CSMD1: variants seen among roughly 807,000 people sequenced by gnomAD.
CSMD1 encodes the protein CUB and sushi domain-containing protein 1.
A neutral mutation model predicts 417.5 loss-of-function variants in CSMD1; 213 were observed. The ratio of observed to expected loss-of-function variants is 0.51; its 90% CI spans 0.46 to 0.57. The LOEUF (loss-of-function observed/expected upper bound fraction) is 0.57. Ranked by LOEUF, CSMD1 falls within the 20% of genes least tolerant of loss-of-function variation. The pLI is 0.00. For synonymous variants in CSMD1, 2,862 were observed against 1,736.8 expected (o/e 1.65, Z -16.11); for missense variants, 6,923 against 4,529.7 (o/e 1.53, Z -15.17).
At chr8:3,743,454 C>G (rs746782052) in intron 6 of CSMD1, among the ~76,000 whole-genome samples, 4 of 152,104 alleles carry the variant, frequency 2.6e-5, no homozygotes, top group Non-Finnish European at 5.9e-5. Context: ...GTGGAGACTT[C>G]TGAATAAGTA....
chr8:3,990,541 G>T (rs757211353), intron 5 of CSMD1, among the ~76,000 whole-genome samples: 1 of 152,132 alleles, frequency 6.6e-6, no homozygotes, highest in African/African-American at 2.4e-5. Context: ...TTTATCCATA[G>T]CTACCACCAT....
At chr8:3,973,567 T>C (rs1813221322) in intron 5 of CSMD1, among the ~76,000 whole-genome samples, 1 of 152,196 alleles carries the variant, frequency 6.6e-6, no homozygotes, top group Non-Finnish European at 1.5e-5. Context: ...CTTGTCATTC[T>C]AGAATTTTAA....
chr8:4,083,832 T>C (rs947456551), intron 3 of CSMD1, among the ~76,000 whole-genome samples: 2 of 152,088 alleles, frequency 1.3e-5, no homozygotes, highest in Admixed American at 6.5e-5. Context: ...AAAGCCAAAA[T>C]TGACAAATGG....
intron 1 of CSMD1, among the ~76,000 whole-genome samples, chr8:4,746,455 A>C (rs535723296): frequency 6.6e-6 from 1 of 152,334 alleles, no homozygotes; most frequent in East Asian, 1.9e-4. Flanking sequence ...GCTCACCACA[A>C]TATCAGGCTC....
At chr8:3,170,172 T>A (rs777302282) in intron 37 of CSMD1, among the ~76,000 whole-genome samples, 29 of 152,218 alleles carry the variant, frequency 1.9e-4, no homozygotes, top group Non-Finnish European at 7.3e-5. Flanking sequence ...TGAGTGCTCA[T>A]TTTTCTTTAC....
At chr8:3,819,522 A>G (rs1186217913) in intron 5 of CSMD1, among the ~76,000 whole-genome samples, 1 of 137,540 alleles carries the variant, frequency 7.3e-6, no homozygotes, top group Non-Finnish European at 1.5e-5. Flanking sequence ...CTCAAAAGCG[A>G]AGGTGATTTC....
At chr8:3,379,261 T>A (rs929013935) in intron 18 of CSMD1, among the ~76,000 whole-genome samples, 26 of 151,916 alleles carry the variant, frequency 1.7e-4, no homozygotes, top group African/African-American at 6.0e-4. Context: ...CACAAACAAA[T>A]AAAAAAACAT....
intron 1 of CSMD1, among the ~76,000 whole-genome samples, chr8:4,799,489 C>A (rs184844496): frequency 6.7e-6 from 1 of 150,232 alleles, no homozygotes; most frequent in African/African-American, 2.5e-5. Flanking sequence ...GCCCCAGCTA[C>A]TCTAGAGCCT....
intron 3 of CSMD1, among the ~76,000 whole-genome samples, chr8:4,099,883 G>A (rs1450528405): frequency 6.6e-6 from 1 of 151,922 alleles, no homozygotes; most frequent in Non-Finnish European, 1.5e-5. Flanking sequence ...TAGTTGTACT[G>A]GGAACCAGTT....
intron 5 of CSMD1, among the ~76,000 whole-genome samples, chr8:3,912,287 G>A (rs1310047156): frequency 2.0e-5 from 3 of 152,106 alleles, no homozygotes; most frequent in East Asian, 3.9e-4. Flanking sequence ...TATACGGAGG[G>A]TGAATATTTT....
At chr8:3,240,585 C>T (rs776483162) in intron 26 of CSMD1, among the ~76,000 whole-genome samples, 2 of 151,714 alleles carry the variant, frequency 1.3e-5, no homozygotes, top group African/African-American at 2.4e-5. Flanking sequence ...TGAAGCTTTG[C>T]GGCAGTACAG....
At chr8:3,222,764 T>C (rs1798290264) in intron 28 of CSMD1, among the ~76,000 whole-genome samples, 1 of 152,136 alleles carries the variant, frequency 6.6e-6, no homozygotes, top group Non-Finnish European at 1.5e-5. Flanking sequence ...CTGAGTAACA[T>C]TTGGTAAATT....
chr8:3,927,283 A>C lies in CSMD1; in HGVS notation c.818+70620T>G, dbSNP rs542500442. Among the ~76,000 whole-genome samples the C allele has an allele frequency of 1.1e-4, 16 of 152,112 alleles. No individual in the cohort carries two copies. The East Asian group carries it at 3.1e-3, about 29-fold the overall frequency. ...ATATAGCAGACATAAGCTAATAATTATTAAGGTGCCAGACAGCATGAAAAT... is the reference window on the plus strand; with the variant it reads ...ATATAGCAGACATAAGCTAATAATTCTTAAGGTGCCAGACAGCATGAAAAT... On this transcript the variant is annotated intron_variant, in intron 5 of 69. Coordinates refer to ENST00000635120, the MANE Select transcript of CSMD1 (RefSeq NM_033225.6).
intron 26 of CSMD1, among the ~76,000 whole-genome samples, chr8:3,260,694 A>G (rs568392557): frequency 2.0e-5 from 3 of 152,246 alleles, no homozygotes; most frequent in Admixed American, 6.5e-5. Context: ...CTTGAGTATT[A>G]CACAAAACAA....
intron 27 of CSMD1, among the ~76,000 whole-genome samples, chr8:3,226,235 C>G (rs1344752463): frequency 6.6e-6 from 1 of 152,062 alleles, no homozygotes; most frequent in Non-Finnish European, 1.5e-5. Flanking sequence ...TGGGGAAAAG[C>G]AATTGCAGGC....
chr8:3,392,527 C>T (rs771958255), intron 17 of CSMD1, among the ~76,000 whole-genome samples: 1 of 151,964 alleles, frequency 6.6e-6, no homozygotes, highest in Non-Finnish European at 1.5e-5. Context: ...TTCCTTTAAC[C>T]CTCCGTGACC....
chr8:3,768,437 C>T (rs755663266), intron 5 of CSMD1, among the ~76,000 whole-genome samples: 1 of 152,118 alleles, frequency 6.6e-6, no homozygotes, highest in Non-Finnish European at 1.5e-5. Flanking sequence ...AAATTGATTA[C>T]TGTAACCAGA....
intron 3 of CSMD1, among the ~76,000 whole-genome samples, chr8:4,139,973 T>C (rs973206952): frequency 9.1e-5 from 7 of 77,060 alleles, no homozygotes; most frequent in Non-Finnish European, 2.7e-4. Flanking sequence ...ACTATGTTTA[T>C]GTGGGCAGGG....
intron 4 of CSMD1, among the ~76,000 whole-genome samples, chr8:4,007,569 C>T (rs542209104): frequency 4.6e-5 from 7 of 152,180 alleles, no homozygotes; most frequent in Admixed American, 1.3e-4. Context: ...GCTTACCTCT[C>T]GGTGCGTGCT....
Sources: allele counts gnomAD v4.1 joint callset (sites outside exome capture counted in the v4.1 genomes callset), GRCh38; gene constraint gnomAD v4.1.1; transcripts MANE v1.5; gene names NCBI Gene and HGNC (gene_info 2026-07-23, HGNC 2026-07-21).